The following VRK2 variants were observed in gnomAD, a reference collection of about 807,000 sequenced individuals.
The protein encoded by VRK2 is serine/threonine-protein kinase VRK2.
A neutral mutation model predicts 57.6 loss-of-function variants in VRK2; 60 were observed. The observed-to-expected ratio is 1.04, with a 90% CI of 0.85 to 1.29. VRK2 has a LOEUF of 1.29. Ranked by LOEUF, VRK2 falls within the 50% of genes most tolerant of loss-of-function variation. VRK2 has a pLI of 0.00. For missense variants in VRK2, 705 were observed against 588.1 expected (o/e 1.20, Z -2.06); for synonymous variants, 231 against 199.2 (o/e 1.16, Z -1.35).
intron 7 of VRK2, among the ~76,000 whole-genome samples, chr2:58,113,011 A>C (rs1204410634): frequency 6.6e-6 from 1 of 152,078 alleles, no homozygotes; most frequent in Non-Finnish European, 1.5e-5. Context: ...AAGGAGTTTT[A>C]AGACAATTGC....
chr2:57,956,170 C>G (rs1297195092), intron 1 of VRK2, among the ~76,000 whole-genome samples: 1 of 152,008 alleles, frequency 6.6e-6, no homozygotes, highest in Admixed American at 6.6e-5. Flanking sequence ...TGCTTGAGGC[C>G]AGGAATTCAA....
intron 2 of VRK2, among the ~76,000 whole-genome samples, chr2:58,079,454 T>C (rs1039012814): frequency 6.6e-6 from 1 of 152,116 alleles, no homozygotes; most frequent in African/African-American, 2.4e-5. Context: ...ACTGTGACAT[T>C]TGCCAAATGA....
At chr2:58,116,310 T>C (rs953054075) in intron 7 of VRK2, among the ~76,000 whole-genome samples, 4 of 150,548 alleles carry the variant, frequency 2.7e-5, no homozygotes, top group African/African-American at 7.5e-5. Context: ...AGGCTTTGGA[T>C]TGGGAAGAAC....
At chr2:58,129,613 C>G (rs1678874623) in intron 8 of VRK2, among the ~76,000 whole-genome samples, 1 of 152,120 alleles carries the variant, frequency 6.6e-6, no homozygotes, top group African/African-American at 2.4e-5. Context: ...ATATTGTCAT[C>G]TAGAACATTT....
chr2:58,155,393 C>A (rs1683652058), intron 12 of VRK2, among the ~76,000 whole-genome samples: 1 of 152,084 alleles, frequency 6.6e-6, no homozygotes, highest in African/African-American at 2.4e-5. Context: ...CTACTACGGT[C>A]TCTACAGTGT....
intron 1 of VRK2, among the ~76,000 whole-genome samples, chr2:58,022,285 T>A (rs1487935595): frequency 6.6e-6 from 1 of 152,156 alleles, no homozygotes; most frequent in Non-Finnish European, 1.5e-5. Flanking sequence ...AGTAATTACT[T>A]GAAAAGTTCT....
chr2:57,973,815 C>T (rs534925996), intron 1 of VRK2, among the ~76,000 whole-genome samples: 3 of 151,574 alleles, frequency 2.0e-5, no homozygotes, highest in African/African-American at 7.3e-5. Flanking sequence ...TCAGAGGAAC[C>T]TCTGCGTTCA....
chr2:58,013,040 C>T (rs868281715), intron 1 of VRK2, among the ~76,000 whole-genome samples: 1 of 151,922 alleles, frequency 6.6e-6, no homozygotes, highest in Non-Finnish European at 1.5e-5. Flanking sequence ...AAAAGAGCAA[C>T]GTTTAAATTT....
intron 8 of VRK2, among the ~76,000 whole-genome samples, chr2:58,123,904 G>T (rs1677908816): frequency 6.6e-6 from 1 of 150,804 alleles, no homozygotes; most frequent in Admixed American, 6.6e-5. Flanking sequence ...TTTTTCCATT[G>T]TACCTTTACC....
At chr2:58,077,319 T>C (rs562337653) in intron 2 of VRK2, among the ~76,000 whole-genome samples, 6 of 152,168 alleles carry the variant, frequency 3.9e-5, no homozygotes, top group Admixed American at 2.0e-4. Context: ...TCCACACAAG[T>C]CCTCGGATTC....
At chr2:57,997,233 T>G (rs886788010) in intron 1 of VRK2, among the ~76,000 whole-genome samples, 5 of 152,130 alleles carry the variant, frequency 3.3e-5, no homozygotes, top group African/African-American at 1.2e-4. Flanking sequence ...AATATTTACA[T>G]AGTTATAATG....
At chr2:58,076,534 G>A (rs961743234) in intron 2 of VRK2, among the ~76,000 whole-genome samples, 1 of 151,928 alleles carries the variant, frequency 6.6e-6, no homozygotes, top group African/African-American at 2.4e-5. Flanking sequence ...GTTGACCATT[G>A]TAAGTTGAGG....
Position 58,150,941 on chromosome 2 carries a change from T to C in VRK2, c.1182+4467T>C, listed in dbSNP as rs186477479. 1.3e-3 allele frequency among the ~76,000 whole-genome samples: 197 copies of C among 151,110 alleles called. 1 individual carries two copies. The highest frequency in any genetic ancestry group is 2.4e-3 in the Non-Finnish European group (165 of 67,618). On this transcript the variant is annotated intron_variant, in intron 12 of 12. Coordinates refer to ENST00000340157, the MANE Select transcript of VRK2 (RefSeq NM_006296.7). The stretch of plus-strand genomic sequence containing the variant: ...AAGTATTTTTAAGGTTTACTGGGTA[T>C]CTTTTTTGTTATTGATTTCTAATTT...
intron 7 of VRK2, 59 bp from the exon 8 acceptor site, chr2:58,123,042 T>C: frequency 1.3e-6 from 2 of 1,541,622 alleles, no homozygotes; most frequent in South Asian, 2.5e-5. Context: ...GACTTAATTA[T>C]AAAGGTTATG....
At chr2:58,008,450 AATTTAACAGTTT>A (rs1482731031) in intron 1 of VRK2, among the ~76,000 whole-genome samples, 1 of 152,106 alleles carries the variant, frequency 6.6e-6, no homozygotes, top group Non-Finnish European at 1.5e-5. Context: ...ATTTAACAGT[AATTTAACAGTTT>A]ATTTAACAAT....
At chr2:57,978,347 G>A (rs1294047001) in intron 1 of VRK2, among the ~76,000 whole-genome samples, 1 of 151,032 alleles carries the variant, frequency 6.6e-6, no homozygotes, top group Non-Finnish European at 1.5e-5. Context: ...AATTCACAGT[G>A]TGGGACATAA....
chr2:58,098,714 A>T (rs1673520985), intron 7 of VRK2, among the ~76,000 whole-genome samples: 1 of 152,066 alleles, frequency 6.6e-6, no homozygotes, highest in Admixed American at 6.6e-5. Flanking sequence ...TGATGAAATT[A>T]CCTAACAATA....
In VRK2 at chr2:57,944,527, G is replaced by T. The variant is rs576585993; in HGVS notation, c.-439+36688G>T. ...CGAGGCAGGCGGATCACGACGTCAG[G>T]AGATCAAGACCATCCTGGCTAACAC... On this transcript the variant is annotated intron_variant, in intron 1 of 15. Coordinates refer to the VRK2 transcript ENST00000417641. 3.3e-5 allele frequency among the ~76,000 whole-genome samples: 5 copies of T among 152,336 alleles called. No individual in the cohort carries two copies. The South Asian group carries it at 6.2e-4, about 19-fold the overall frequency.
chr2:58,147,037 CCAA>C (rs1358308988), intron 12 of VRK2: 1 of 370,040 alleles, frequency 2.7e-6, no homozygotes, highest in Non-Finnish European at 5.4e-6. Flanking sequence ...GTCAAAATGA[CCAA>C]CATTTTATAT....
Sources: gnomAD v4.1 joint callset for allele counts (sites outside exome capture counted in the v4.1 genomes callset) on GRCh38, gnomAD v4.1.1 for gene constraint, MANE v1.5 for transcripts, NCBI Gene and HGNC (gene_info 2026-07-23, HGNC 2026-07-21) for gene names.